The following NRG1 variants were observed in gnomAD, a reference collection of about 807,000 sequenced individuals.
NRG1 encodes the protein pro-neuregulin-1, membrane-bound isoform.
In NRG1, 18 loss-of-function variants were observed where a neutral mutation model predicts 63.8. The observed-to-expected ratio is 0.28, with a 90% CI of 0.19 to 0.42. The LOEUF (loss-of-function observed/expected upper bound fraction) is 0.42. NRG1 is among the 10% of genes least tolerant of loss of function. NRG1 has a pLI of 1.00. For synonymous variants in NRG1, 302 were observed against 301.3 expected (o/e 1.00, Z -0.02); for missense variants, 762 against 814.7 (o/e 0.94, Z 0.79).
intron 1 of NRG1, among the ~76,000 whole-genome samples, chr8:32,371,213 A>C (rs1295667869): frequency 6.6e-6 from 1 of 152,230 alleles, no homozygotes; most frequent in Non-Finnish European, 1.5e-5. Flanking sequence ...CACTGTCTCA[A>C]AACAAAACAG....
rs187012312 is a variant in NRG1, at chr8:32,691,893, G to A, written c.503-36056G>A. On this transcript the variant is annotated intron_variant, in intron 5 of 11. Transcript: ENST00000356819. ...GCCTTGATAATTAAAAGAGAATTGT[G>A]TATATCTTGTTTTCCCTAAAGAAAG... Among the ~76,000 whole-genome samples the A allele has an allele frequency of 3.9e-5, 6 of 152,188 alleles. No homozygotes were observed. The East Asian group carries it at 1.2e-3, about 29-fold the overall frequency.
intron 1 of NRG1, among the ~76,000 whole-genome samples, chr8:32,527,647 A>G (rs1008714722): frequency 1.3e-5 from 2 of 152,184 alleles, no homozygotes; most frequent in Non-Finnish European, 2.9e-5. Flanking sequence ...AATCTATACA[A>G]ATAAAAGCTA....
chr8:31,720,131 A>T (rs1421197662), intron 1 of NRG1, among the ~76,000 whole-genome samples: 1 of 152,138 alleles, frequency 6.6e-6, no homozygotes, highest in Non-Finnish European at 1.5e-5. Context: ...TTGTATCTCT[A>T]TGATAGCATG....
intron 1 of NRG1, among the ~76,000 whole-genome samples, chr8:32,241,253 A>G (rs1848069996): frequency 6.6e-6 from 1 of 152,184 alleles, no homozygotes; most frequent in Non-Finnish European, 1.5e-5. Context: ...ACTGCCATAG[A>G]ACATCTGAGA....
intron 1 of NRG1, among the ~76,000 whole-genome samples, chr8:31,822,418 T>A (rs973824679): frequency 9.2e-5 from 14 of 152,040 alleles, no homozygotes; most frequent in African/African-American, 3.4e-4. Context: ...AGTCTCCCTC[T>A]CTTAAAAAAA....
intron 1 of NRG1, among the ~76,000 whole-genome samples, chr8:31,970,162 C>A (rs1180456057): frequency 6.6e-6 from 1 of 152,050 alleles, no homozygotes; most frequent in East Asian, 1.9e-4. Flanking sequence ...AAATGATAAT[C>A]TGATAGTGAA....
chr8:32,443,377 C>T (rs1819805979), intron 1 of NRG1, among the ~76,000 whole-genome samples: 1 of 152,158 alleles, frequency 6.6e-6, no homozygotes. Flanking sequence ...TATGCTTCCT[C>T]TGGTGACAAT....
intron 5 of NRG1, among the ~76,000 whole-genome samples, chr8:32,710,620 T>C (rs1413452715): frequency 6.6e-6 from 1 of 152,202 alleles, no homozygotes; most frequent in Non-Finnish European, 1.5e-5. Flanking sequence ...AATTAAGTTG[T>C]TTTTAAGGCA....
At chr8:32,163,031 A>G (rs917376434) in intron 1 of NRG1, among the ~76,000 whole-genome samples, 5 of 152,216 alleles carry the variant, frequency 3.3e-5, no homozygotes, top group African/African-American at 1.2e-4. Context: ...TGTGTATCCA[A>G]TGAACCAAGG....
chr8:32,421,744 C>T (rs555602563), intron 1 of NRG1, among the ~76,000 whole-genome samples: 4 of 152,070 alleles, frequency 2.6e-5, no homozygotes, highest in Non-Finnish European at 5.9e-5. Context: ...AAAATCACTT[C>T]GCATACACAG....
chr8:32,754,296 T>G (rs1829263040), intron 7 of NRG1, 76 bp from the exon 8 acceptor site: 2 of 1,192,334 alleles, frequency 1.7e-6, no homozygotes, highest in Admixed American at 3.7e-5. Flanking sequence ...TCATGCAGCA[T>G]GCCCACTGTT....
chr8:31,656,164 A>G (rs1303689135), intron 1 of NRG1, among the ~76,000 whole-genome samples: 1 of 152,316 alleles, frequency 6.6e-6, no homozygotes, highest in African/African-American at 2.4e-5. Flanking sequence ...TGAAGAGAAA[A>G]GGAAGCATAA....
chr8:32,253,704 A>G (rs1264812727), intron 1 of NRG1, among the ~76,000 whole-genome samples: 2 of 152,212 alleles, frequency 1.3e-5, no homozygotes, highest in Non-Finnish European at 2.9e-5. Flanking sequence ...TGCTGGCATC[A>G]TAAAATGAGT....
intron 3 of NRG1, among the ~76,000 whole-genome samples, chr8:32,607,968 A>G (rs1845546647): frequency 6.6e-6 from 1 of 152,148 alleles, no homozygotes; most frequent in Admixed American, 6.6e-5. Context: ...TGTTAGGAAT[A>G]GATCATCCTT....
chr8:32,532,637 A>G (rs989913814), intron 1 of NRG1, among the ~76,000 whole-genome samples: 4 of 151,988 alleles, frequency 2.6e-5, no homozygotes, highest in Non-Finnish European at 5.9e-5. Flanking sequence ...TTTCATTACA[A>G]TTTTTTCAGT....
Position 31,977,314 on chromosome 8 carries a change from T to C in NRG1, c.37+337883T>C, listed in dbSNP as rs61449847. Among the ~76,000 whole-genome samples the C allele has an allele frequency of 6.9e-4, 105 of 152,284 alleles. 2 individuals carry two copies. In the East Asian group the frequency reaches 0.014, roughly 21 times the overall value. On this transcript the variant is annotated intron_variant, in intron 1 of 10. Coordinates refer to the NRG1 transcript ENST00000519301. ...TCTCTTGCTGACTTCCCTTCTCTTT[T>C]GTTTGTGGTAGAATGATTCCCCTAA... is the stretch of plus-strand genomic sequence containing the variant.
intron 1 of NRG1, among the ~76,000 whole-genome samples, chr8:32,211,296 T>C (rs1844682262): frequency 6.6e-6 from 1 of 152,156 alleles, no homozygotes; most frequent in South Asian, 2.1e-4. Context: ...ATGGATGAAG[T>C]TGGGTTTATT....
At chr8:31,957,896 G>A (rs1337078053) in intron 1 of NRG1, among the ~76,000 whole-genome samples, 2 of 152,188 alleles carry the variant, frequency 1.3e-5, no homozygotes. Context: ...ATGCAGAGAA[G>A]AATATGTTGA....
At chr8:32,069,299 G>A (rs1825382967) in intron 1 of NRG1, among the ~76,000 whole-genome samples, 1 of 152,108 alleles carries the variant, frequency 6.6e-6, no homozygotes, top group African/African-American at 2.4e-5. Context: ...AATCCAAGTT[G>A]GAATAAAGCA....
Sources: allele counts gnomAD v4.1 joint callset (sites outside exome capture counted in the v4.1 genomes callset), GRCh38; gene constraint gnomAD v4.1.1; transcripts MANE v1.5; gene names NCBI Gene and HGNC (gene_info 2026-07-23, HGNC 2026-07-21).